The following FAM131C variants were observed in gnomAD, a reference collection of about 807,000 sequenced individuals.
FAM131C encodes the protein protein FAM131C.
Under a neutral mutation model 29.8 loss-of-function variants are expected in FAM131C, and 14 were observed. The observed-to-expected ratio is 0.47, with a 90% CI of 0.31 to 0.73. The LOEUF (loss-of-function observed/expected upper bound fraction) is 0.73, where lower values mean the gene tolerates loss of function less well. Ranked by LOEUF, FAM131C falls within the 30% of genes least tolerant of loss-of-function variation. The pLI is 0.05. For synonymous variants in FAM131C, 86 were observed against 157.8 expected (o/e 0.54, Z 3.41); for missense variants, 252 against 383.8 (o/e 0.66, Z 2.87).
intron 1 of FAM131C, among the ~76,000 whole-genome samples, chr1:16,067,319 C>T (rs1365692038): frequency 2.0e-5 from 3 of 152,166 alleles, no homozygotes; most frequent in East Asian, 3.9e-4. Context: ...CTGGTGGTCA[C>T]GTCACCACTG....
chr1:16,072,917 G>A (rs2124138649), intron 1 of FAM131C, among the ~76,000 whole-genome samples: 1 of 152,050 alleles, frequency 6.6e-6, no homozygotes, highest in South Asian at 2.1e-4. Context: ...TATAACCTGT[G>A]CCCCACCATT....
Position 16,071,356 on chromosome 1 carries a change from A to G in FAM131C, c.22+2065T>C, listed in dbSNP as rs145117282. Among the ~76,000 whole-genome samples the G allele has an allele frequency of 3.2e-3, 490 of 152,310 alleles. 2 individuals are homozygous for G. Among genetic ancestry groups the G allele is most frequent in the African/African-American group, 0.011 (459 of 41,562 alleles). On this transcript the variant is annotated intron_variant, in intron 1 of 6. Transcript: ENST00000375662. ...TGTGTGGCCCTGGACAAGTCACTCC[A>G]CTGCCCTCTGCCTCAGTTTTCCCAC... is the stretch of plus-strand genomic sequence containing the variant.
Position 16,073,543 on chromosome 1 carries a change from C to CGGGCG in FAM131C, c.-106_-102dup, listed in dbSNP as rs1166927427. Reference sequence around the variant, plus strand: ...GGCTGAGCGCTGCGGAGCCAGAGGACGGGCGGGGCGGGGGGCTCGGGCGCC... The same window carrying CGGGCG: ...GGCTGAGCGCTGCGGAGCCAGAGGACGGGCGGGGCGGGGCGGGGGGCTCGGGCGCC... On this transcript the variant is annotated 5_prime_UTR_variant, in exon 1 of 7. Coordinates refer to ENST00000375662, the MANE Select transcript of FAM131C (RefSeq NM_182623.3). The CGGGCG allele has an allele frequency of 1.7e-6, 1 of 601,632 alleles. No homozygotes were observed. The highest frequency in any genetic ancestry group is 2.3e-6 in the Non-Finnish European group (1 of 436,272). The allele number at this position is 601,632 out of a possible 1,614,324, so 37.3% of individuals were successfully genotyped here.
chr1:16,062,606 G>T (rs2124127892), intron 2 of FAM131C, 72 bp from the exon 3 acceptor site: 2 of 1,510,548 alleles, frequency 1.3e-6, no homozygotes, highest in East Asian at 4.9e-5. Flanking sequence ...GAGTCCTGGG[G>T]CCCTGGGTGG....
At chr1:16,059,760 C>T in intron 5 of FAM131C, 109 bp downstream of exon 5, 3 of 1,102,632 alleles carry the variant, frequency 2.7e-6, no homozygotes, top group Non-Finnish European at 3.9e-6. Flanking sequence ...ACTCACCCAC[C>T]CTATGCCATT....
chr1:16,059,960 A>T lies in FAM131C; in HGVS notation c.360T>A (p.Ser120Arg). ...ACAGCTCCCAGCCTGCCGGCTGGGC[A>T]CTCCAGCCCTTCCACTCGATGAGGT... ...VAHLIEWKGW[S>R]AQPAGWELSP... The change falls in exon 5 of 7, where the codon AGT (serine) becomes AGA (arginine). Residue 120 changes from serine (S) to arginine (R), a missense_variant. This residue lies in a region of FAM131C where 52 missense variants were observed against 105.9 expected (regional missense o/e 0.49). Transcript: ENST00000375662. 6.3e-7 allele frequency: 1 copy of T among 1,579,502 alleles called. No homozygotes were observed. Among genetic ancestry groups the T allele is most frequent in the East Asian group, 2.3e-5 (1 of 43,262 alleles).
intron 1 of FAM131C, among the ~76,000 whole-genome samples, chr1:16,073,071 C>T (rs1175124649): frequency 6.6e-6 from 1 of 152,038 alleles, no homozygotes; most frequent in Non-Finnish European, 1.5e-5. Flanking sequence ...CTCCCGGTGC[C>T]CGCAGTTCCT....
At chr1:16,062,078 A>G (rs778071077) in intron 4 of FAM131C, 21 bp downstream of exon 4, 6 of 1,608,726 alleles carry the variant, frequency 3.7e-6, no homozygotes, top group Non-Finnish European at 1.7e-6. Flanking sequence ...CACCGGCAGG[A>G]GAGTTGCGGC....
intron 1 of FAM131C, among the ~76,000 whole-genome samples, chr1:16,066,191 A>G (rs1229901824): frequency 6.6e-6 from 1 of 152,190 alleles, no homozygotes; most frequent in Non-Finnish European, 1.5e-5. Context: ...CCAGCCTGAG[A>G]TTCAAGTTTT....
chr1:16,058,223 G>C lies in FAM131C; in HGVS notation c.*214C>G. On this transcript the variant is annotated 3_prime_UTR_variant, in exon 7 of 7. Coordinates refer to ENST00000375662, the MANE Select transcript of FAM131C (RefSeq NM_182623.3). ...TGCCCACCTGAGTGAAGTAATGAAG[G>C]GGGAGGGGGTTATGGCTCCCACTGC... The C allele has an allele frequency of 4.7e-6, 2 of 421,258 alleles. No individual in the cohort carries two copies. The highest frequency in any genetic ancestry group is 4.1e-5 in the Admixed American group (1 of 24,498). 26.1% of individuals were successfully genotyped at this position (421,258 alleles called of 1,614,324 possible).
intron 1 of FAM131C, among the ~76,000 whole-genome samples, chr1:16,070,812 TAC>T (rs749972154): frequency 2.6e-5 from 4 of 152,204 alleles, no homozygotes; most frequent in Admixed American, 2.0e-4. Context: ...AACACTGAGA[TAC>T]ACACACAAGG....
intron 1 of FAM131C, among the ~76,000 whole-genome samples, chr1:16,064,239 C>T (rs902242283): frequency 6.6e-6 from 1 of 152,160 alleles, no homozygotes; most frequent in African/African-American, 2.4e-5. Flanking sequence ...ATGAAACACA[C>T]CCCCTCCCCT....
Position 16,058,396 on chromosome 1 carries a change from G to A in FAM131C, c.*41C>T, listed in dbSNP as rs1243888269. The A allele has an allele frequency of 1.7e-5, 24 of 1,434,632 alleles. No homozygotes were observed. The East Asian group carries it at 6.0e-4, about 36-fold the overall frequency. 88.9% of individuals were successfully genotyped at this position (1,434,632 alleles called of 1,614,324 possible). ...ATGCCTGGGCTGCCCACCAGGCGAG[G>A]TCATGGTGAGAGCAGGTGCTGGACC... On this transcript the variant is annotated 3_prime_UTR_variant, in exon 7 of 7. Transcript: ENST00000375662.
At chr1:16,063,012 A>G (rs2023624857) in intron 2 of FAM131C, among the ~76,000 whole-genome samples, 1 of 152,090 alleles carries the variant, frequency 6.6e-6, no homozygotes, top group African/African-American at 2.4e-5. Context: ...ACCCTGGAGC[A>G]AGGGCGGAAA....
At chr1:16,063,729 C>T (rs1306695222) in intron 1 of FAM131C, 93 bp from the exon 2 acceptor site, 7 of 781,744 alleles carry the variant, frequency 9.0e-6, no homozygotes, top group Non-Finnish European at 1.4e-5. Flanking sequence ...GTGAGTATGG[C>T]CTTGTTTTTA....
At chr1:16,069,522 C>G (rs1281712811) in intron 1 of FAM131C, among the ~76,000 whole-genome samples, 1 of 152,330 alleles carries the variant, frequency 6.6e-6, no homozygotes, top group South Asian at 2.1e-4. Context: ...TTGGATACCC[C>G]CAAGGTGGGG....
chr1:16,061,321 A>G (rs2023589859), intron 4 of FAM131C, among the ~76,000 whole-genome samples: 1 of 152,066 alleles, frequency 6.6e-6, no homozygotes, highest in Non-Finnish European at 1.5e-5. Flanking sequence ...GGCACAGGCC[A>G]ATGTGGGGAG....
intron 3 of FAM131C, 105 bp downstream of exon 3, chr1:16,062,394 C>CCCCGG: frequency 8.5e-7 from 1 of 1,172,026 alleles, no homozygotes; most frequent in Non-Finnish European, 1.1e-6. Context: ...CCCCCCCCCC[C>CCCCGG]GCCCCAGGGC....
Position 16,068,967 on chromosome 1 carries a change from C to T in FAM131C, c.22+4454G>A, listed in dbSNP as rs116938137. 2.0e-3 allele frequency among the ~76,000 whole-genome samples: 301 copies of T among 152,308 alleles called. 6 individuals are homozygous for T. In the East Asian group the frequency reaches 0.046, roughly 23 times the overall value. The stretch of plus-strand genomic sequence containing the variant: ...GCCACTGTTTACTGAGCAGGTGTGA[C>T]AGTACTGTGTCAGGTACTGTCTGTC... On this transcript the variant is annotated intron_variant, in intron 1 of 6. Coordinates refer to ENST00000375662, the MANE Select transcript of FAM131C (RefSeq NM_182623.3).
Sources: gnomAD v4.1 joint callset for allele counts (sites outside exome capture counted in the v4.1 genomes callset) on GRCh38, gnomAD v4.1.1 for gene constraint, gnomAD v4.1.1 regional missense constraint, MANE v1.5 for transcripts, NCBI Gene and HGNC (gene_info 2026-07-23, HGNC 2026-07-21) for gene names.